Variants in ZNF57 observed in about 807,000 individuals in gnomAD.
ZNF57 encodes zinc finger protein 424.
A neutral mutation model predicts 13.4 loss-of-function variants in ZNF57; 11 were observed. The observed-to-expected ratio is 0.82, with a 90% confidence interval of 0.52 to 1.36. ZNF57 has a LOEUF of 1.36. Ranked by LOEUF, ZNF57 falls within the 40% of genes most tolerant of loss-of-function variation. ZNF57 has a pLI of 0.00. For missense variants in ZNF57, 696 were observed against 667.5 expected (o/e 1.04, Z -0.47); for synonymous variants, 224 against 238.5 (o/e 0.94, Z 0.56).
At position 2,905,410 on chromosome 19, in the gene ZNF57, C is replaced by CCG. The variant is rs1555677377; in HGVS notation, c.3+4363_3+4364insGC. Among the ~76,000 whole-genome samples the CCG allele has an allele frequency of 3.0e-5, 2 of 67,054 alleles. 1 individual carries two copies. Among genetic ancestry groups the CCG allele is most frequent in the Non-Finnish European group, 9.2e-5 (2 of 21,764 alleles). 44.0% of individuals were successfully genotyped at this position (67,054 alleles called of 152,430 possible). ...GAACTCTTGACTTCAGGTGATCGCC[C>CCG]CCCCCCCCTCGGCATTCCAAAGTAT... On this transcript the variant is annotated intron_variant, in intron 1 of 3. Transcript: ENST00000306908.
At chr19:2,912,047 A>C (rs183142300) in intron 1 of ZNF57, 15 of 152,332 alleles carry the variant, frequency 9.8e-5, no homozygotes, top group African/African-American at 3.6e-4. Context: ...TACTGGGTGA[A>C]AGGCACTGAA....
intron 1 of ZNF57, among the ~76,000 whole-genome samples, chr19:2,901,518 T>C (rs1378757542): frequency 7.5e-5 from 3 of 40,212 alleles, no homozygotes; most frequent in Non-Finnish European, 1.6e-4. Flanking sequence ...ATTGGTTTTA[T>C]TTTTTTATTT....
intron 1 of ZNF57, 25 bp downstream of exon 1, chr19:2,901,073 C>T (rs2088024671): frequency 6.4e-7 from 1 of 1,551,320 alleles, no homozygotes; most frequent in East Asian, 2.4e-5. Flanking sequence ...GGAGCAGAGC[C>T]AGGGGACGGT....
intron 1 of ZNF57, among the ~76,000 whole-genome samples, chr19:2,913,664 T>G (rs770066145): frequency 4.1e-4 from 59 of 142,612 alleles, no homozygotes; most frequent in Non-Finnish European, 7.3e-4. Context: ...TTATTTCTGG[T>G]TTTTTTTTTG....
At chr19:2,908,093 T>C (rs2088092039) in intron 1 of ZNF57, among the ~76,000 whole-genome samples, 1 of 152,232 alleles carries the variant, frequency 6.6e-6, no homozygotes, top group Non-Finnish European at 1.5e-5. Flanking sequence ...CCATAGTATG[T>C]ATCAGCTTTT....
intron 1 of ZNF57, among the ~76,000 whole-genome samples, chr19:2,904,831 A>T (rs2088059176): frequency 6.6e-6 from 1 of 152,002 alleles, no homozygotes; most frequent in South Asian, 2.1e-4. Context: ...TGTGAGCCAC[A>T]CTGCACCTGG....
chr19:2,912,156 C>A (rs980774263), intron 1 of ZNF57: 2 of 152,022 alleles, frequency 1.3e-5, no homozygotes, highest in Non-Finnish European at 2.9e-5. Context: ...AGCCTGTGCC[C>A]CGCGACACTG....
At chr19:2,904,244 C>T (rs983138409) in intron 1 of ZNF57, among the ~76,000 whole-genome samples, 8 of 152,214 alleles carry the variant, frequency 5.3e-5, no homozygotes, top group Non-Finnish European at 1.2e-4. Flanking sequence ...CTTTCCTTTG[C>T]GCACATGCTG....
At chr19:2,913,446 G>A (rs2088158734) in intron 1 of ZNF57, among the ~76,000 whole-genome samples, 1 of 152,034 alleles carries the variant, frequency 6.6e-6, no homozygotes, top group African/African-American at 2.4e-5. Flanking sequence ...CTTTAGGATA[G>A]GTATTTATAG....
intron 1 of ZNF57, among the ~76,000 whole-genome samples, chr19:2,911,512 G>A (rs867653576): frequency 7.3e-5 from 11 of 150,456 alleles, no homozygotes; most frequent in Middle Eastern, 6.8e-3. Context: ...CAGCCTGGGC[G>A]ACAGAGGGAG....
rs768998829 is a variant in ZNF57, at chr19:2,917,713, T to C, written c.1092T>C (p.Tyr364=). ...GGACGCACACTGGAGAGAAACCTTATGAGTGTAAACAATGTGGGAAAGCCT... is the reference window on the plus strand; with the variant it reads ...GGACGCACACTGGAGAGAAACCTTACGAGTGTAAACAATGTGGGAAAGCCT... The part of the protein sequence containing the change: ...HLRTHTGEKP[Y]ECKQCGKAFT... The change falls in exon 4 of 4, where the codon TAT becomes TAC. Residue 364 remains tyrosine (Y), a synonymous_variant. Coordinates refer to ENST00000306908, the MANE Select transcript of ZNF57 (RefSeq NM_173480.3). 8.1e-6 allele frequency: 13 copies of C among 1,613,750 alleles called. No individual in the cohort carries two copies. Among genetic ancestry groups the C allele is most frequent in the South Asian group, 2.2e-5 (2 of 91,044 alleles).
At chr19:2,912,721 C>T (rs1207914824) in intron 1 of ZNF57, among the ~76,000 whole-genome samples, 1 of 152,190 alleles carries the variant, frequency 6.6e-6, no homozygotes, top group Admixed American at 6.5e-5. Flanking sequence ...TTAAAAAGAA[C>T]TGCCACACTG....
At position 2,900,960 on chromosome 19, in the gene ZNF57, C is replaced by T; in HGVS notation, c.-86C>T. ...CCGCGCGTGCCCTGCCTACCACGAG[C>T]GGCCCGGGAGTACCTGTACCTTTCA... is the stretch of plus-strand genomic sequence containing the variant. On this transcript the variant is annotated 5_prime_UTR_variant, in exon 1 of 4. Transcript: ENST00000306908. 6.6e-6 allele frequency: 10 copies of T among 1,518,516 alleles called. No homozygotes were observed. Among genetic ancestry groups the T allele is most frequent in the Non-Finnish European group, 6.2e-6 (7 of 1,124,652 alleles). The allele number at this position is 1,518,516 out of a possible 1,614,324, so 94.1% of individuals were successfully genotyped here.
chr19:2,909,507 C>T lies in ZNF57; in HGVS notation c.4-6015C>T, dbSNP rs1249695523. Among the ~76,000 whole-genome samples, 3 of 51,444 alleles carry T rather than the reference C, an allele frequency of 5.8e-5. 1 individual carries two copies. Among genetic ancestry groups the T allele is most frequent in the African/African-American group, 1.4e-4 (3 of 21,040 alleles). The allele number at this position is 51,444 out of a possible 152,430, so 33.7% of individuals were successfully genotyped here. A position where few individuals can be genotyped will look rare whatever the true frequency, so the allele number is the denominator to read the frequency against. On this transcript the variant is annotated intron_variant, in intron 1 of 3. Coordinates refer to ENST00000306908, the MANE Select transcript of ZNF57 (RefSeq NM_173480.3). ...ATGTTAGCCAGGATAGTCTTGACGTCGTGATCCGCACGCCTCGGCCTCCCA... is the reference window on the plus strand; with the variant it reads ...ATGTTAGCCAGGATAGTCTTGACGTTGTGATCCGCACGCCTCGGCCTCCCA...
chr19:2,917,942 A>C lies in ZNF57; in HGVS notation c.1321A>C (p.Ile441Leu), dbSNP rs2088227973. ...CTCAACGTTTAGAGAACATGTGAGA[A>C]TTCACACGCAAGAGCAGCTCCATAA... ...WSSTFREHVRIHTQEQLHKCE... is the reference protein window; with the variant it reads ...WSSTFREHVRLHTQEQLHKCE... The change falls in exon 4 of 4, where the codon ATT (isoleucine) becomes CTT (leucine). Residue 441 changes from isoleucine (I) to leucine (L), a missense_variant. Coordinates refer to ENST00000306908, the MANE Select transcript of ZNF57 (RefSeq NM_173480.3). The C allele has an allele frequency of 3.1e-6, 5 of 1,613,550 alleles. No individual in the cohort carries two copies.
At chr19:2,901,121 AAGTCT>A in intron 1 of ZNF57, 73 bp downstream of exon 1, 1 of 40,508 alleles carries the variant, frequency 2.5e-5, no homozygotes. Flanking sequence ...GAGTCCGCCG[AAGTCT>A]GCGGCCGGGA....
chr19:2,909,275 A>ATTTTTT (rs1258331033), intron 1 of ZNF57, among the ~76,000 whole-genome samples: 56 of 103,800 alleles, frequency 5.4e-4, no homozygotes, highest in Non-Finnish European at 8.6e-4. Context: ...TATTTTATTT[A>ATTTTTT]TTTTTGTTTT....
Position 2,915,975 on chromosome 19 carries a change from G to A in ZNF57, c.131-103G>A, listed in dbSNP as rs2144934595. ...AATACCTAACATTTTGACCCCTTAT[G>A]TCTGTTATTGATGAGGTCCTCAAAA... On this transcript the variant is annotated intron_variant, in intron 2 of 3. Coordinates refer to ENST00000306908, the MANE Select transcript of ZNF57 (RefSeq NM_173480.3). 10 of 1,287,640 alleles carry A rather than the reference G, an allele frequency of 7.8e-6. No individual in the cohort carries two copies. In the South Asian group the frequency reaches 8.7e-5, roughly 11 times the overall value. 79.8% of individuals were successfully genotyped at this position (1,287,640 alleles called of 1,614,324 possible).
chr19:2,918,108 G>C lies in ZNF57; in HGVS notation c.1487G>C (p.Arg496Thr), dbSNP rs765706481. 7.4e-6 allele frequency: 12 copies of C among 1,614,088 alleles called. No homozygotes were observed. The African/African-American group carries it at 1.3e-4, about 18-fold the overall frequency. The change falls in exon 4 of 4, where the codon AGG becomes ACG. Residue 496 changes from arginine (R) to threonine (T), a missense_variant. Arg to Thr is a moderately conservative substitution (Grantham distance 71, BLOSUM62 -1). This residue lies in a region of ZNF57 where 645 missense variants were observed against 591.5 expected (regional missense o/e 1.09). Coordinates refer to ENST00000306908, the MANE Select transcript of ZNF57 (RefSeq NM_173480.3). ...TWSSTLHNHV[R>T]MHTGEKPHKC... is the part of the protein sequence containing the mutation. ...TCCTCAACCTTACATAATCATGTGA[G>C]GATGCACACTGGAGAGAAACCTCAC...
Sources: allele counts gnomAD v4.1 joint callset (sites outside exome capture counted in the v4.1 genomes callset), GRCh38; gene constraint gnomAD v4.1.1; regional missense constraint gnomAD v4.1.1; transcripts MANE v1.5; gene names NCBI Gene and HGNC (gene_info 2026-07-23, HGNC 2026-07-21).